The following TMEM117 variants were observed in gnomAD, a reference collection of about 807,000 sequenced individuals.
The protein encoded by TMEM117 is transmembrane protein 117.
In TMEM117, 27 loss-of-function variants were observed where a neutral mutation model predicts 52.4. That is an observed-to-expected ratio of 0.51 (90% CI 0.38 to 0.71). The LOEUF is 0.71. Ranked by LOEUF, TMEM117 falls within the 30% of genes least tolerant of loss-of-function variation. The pLI is 0.00. For missense variants in TMEM117, 556 were observed against 630.5 expected (o/e 0.88, Z 1.26); for synonymous variants, 215 against 206.3 (o/e 1.04, Z -0.36).
chr12:44,398,701 C>T, the TMEM117 span, among the ~76,000 whole-genome samples: 8 of 152,192 alleles, frequency 5.3e-5, no homozygotes, highest in African/African-American at 1.9e-4. Flanking sequence ...AGGAGTCACT[C>T]AGTGATTGAA....
At chr12:44,074,701 G>T (rs1235558719) in intron 3 of TMEM117, among the ~76,000 whole-genome samples, 1 of 152,028 alleles carries the variant, frequency 6.6e-6, no homozygotes, top group Admixed American at 6.6e-5. Context: ...GGCAGTTCTG[G>T]TCTAAAGCAA....
chr12:44,256,187 T>C (rs1324513585), intron 5 of TMEM117, among the ~76,000 whole-genome samples: 2 of 151,932 alleles, frequency 1.3e-5, no homozygotes, highest in Middle Eastern at 3.4e-3. Context: ...AATAAGGATA[T>C]ATATAAATTT....
At chr12:44,082,542 C>G (rs145902363) in intron 3 of TMEM117, among the ~76,000 whole-genome samples, 1 of 151,452 alleles carries the variant, frequency 6.6e-6, no homozygotes. Context: ...AATGATTGAT[C>G]GATAAAATAG....
chr12:43,938,883 C>T (rs1156836607), intron 2 of TMEM117, among the ~76,000 whole-genome samples: 2 of 151,858 alleles, frequency 1.3e-5, no homozygotes, highest in East Asian at 3.9e-4. Context: ...GCCTGTAATC[C>T]CAGCTACTCG....
intron 3 of TMEM117, among the ~76,000 whole-genome samples, chr12:44,134,258 G>A (rs923456832): frequency 6.6e-5 from 10 of 152,118 alleles, no homozygotes; most frequent in African/African-American, 2.4e-4. Context: ...CTGTTGCCCA[G>A]GCTTGAGTGC....
intron 4 of TMEM117, among the ~76,000 whole-genome samples, chr12:44,178,567 G>C (rs879782148): frequency 6.6e-6 from 1 of 152,070 alleles, no homozygotes; most frequent in African/African-American, 2.4e-5. Context: ...CATTAATCAG[G>C]CTCTTTGGAT....
chr12:43,959,107 A>C (rs1945360364), intron 3 of TMEM117, among the ~76,000 whole-genome samples: 2 of 152,276 alleles, frequency 1.3e-5, no homozygotes, highest in South Asian at 4.1e-4. Context: ...GCGCCCGGCC[A>C]AAATGCATGG....
At chr12:44,071,011 A>G (rs1489328449) in intron 3 of TMEM117, among the ~76,000 whole-genome samples, 1 of 152,230 alleles carries the variant, frequency 6.6e-6, no homozygotes, top group East Asian at 1.9e-4. Context: ...TCAGGGGTAG[A>G]GTATATTTCT....
intron 3 of TMEM117, among the ~76,000 whole-genome samples, chr12:43,956,490 A>T (rs1324269574): frequency 7.8e-6 from 1 of 128,432 alleles, no homozygotes; most frequent in Non-Finnish European, 1.7e-5. Flanking sequence ...GGATATAAAC[A>T]GACACTTCTC....
chr12:44,129,735 G>A (rs1359784641), intron 3 of TMEM117, among the ~76,000 whole-genome samples: 3 of 152,110 alleles, frequency 2.0e-5, no homozygotes, highest in Admixed American at 2.0e-4. Flanking sequence ...CCCTTAAGAG[G>A]TACCAAGAAG....
At chr12:44,206,868 T>C (rs1247101656) in intron 4 of TMEM117, among the ~76,000 whole-genome samples, 4 of 152,128 alleles carry the variant, frequency 2.6e-5, no homozygotes, top group Non-Finnish European at 5.9e-5. Context: ...TCGGATACTA[T>C]GCTCACTACC....
intron 1 of TMEM117, among the ~76,000 whole-genome samples, chr12:43,837,620 C>T (rs1396253322): frequency 6.6e-6 from 1 of 152,224 alleles, no homozygotes; most frequent in Non-Finnish European, 1.5e-5. Flanking sequence ...GCGGACATTA[C>T]AGGTGTGAGC....
At chr12:44,167,823 A>G (rs1264848826) in intron 4 of TMEM117, among the ~76,000 whole-genome samples, 1 of 152,176 alleles carries the variant, frequency 6.6e-6, no homozygotes, top group Non-Finnish European at 1.5e-5. Context: ...TGAGGTCTGC[A>G]TTACATAGTG....
At chr12:44,197,952 A>C (rs1949443189) in intron 4 of TMEM117, among the ~76,000 whole-genome samples, 1 of 152,224 alleles carries the variant, frequency 6.6e-6, no homozygotes, top group African/African-American at 2.4e-5. Flanking sequence ...TGTAGAATAC[A>C]TTCCAGGTTT....
At chr12:43,894,852 CT>C (rs11357894) in intron 2 of TMEM117, among the ~76,000 whole-genome samples, 143,338 of 151,942 alleles carry the variant, frequency 0.94, 67,761 homozygotes, top group East Asian at 1. Flanking sequence ...TTTCAATGCC[CT>C]TTTTTTTTAA....
rs545316024 is a variant in TMEM117, at chr12:44,048,951, T to A, written c.411-94574T>A. Among the ~76,000 whole-genome samples the A allele has an allele frequency of 1.1e-3, 169 of 152,330 alleles. 2 individuals are homozygous for A. In the Middle Eastern group the frequency reaches 0.014, roughly 12 times the overall value. Reference sequence around the variant, plus strand: ...ATTATATAACTATAATTCTCACTACTTTTTTATATTTATATAGCAGGTATT... The same window carrying A: ...ATTATATAACTATAATTCTCACTACATTTTTATATTTATATAGCAGGTATT... On this transcript the variant is annotated intron_variant, in intron 3 of 7. Coordinates refer to ENST00000266534, the MANE Select transcript of TMEM117 (RefSeq NM_032256.3).
At chr12:43,807,268 A>C in the TMEM117 span, among the ~76,000 whole-genome samples, 2 of 152,234 alleles carry the variant, frequency 1.3e-5, no homozygotes, top group African/African-American at 4.8e-5. Flanking sequence ...TATAAGTGCA[A>C]GTTAATCACT....
chr12:43,938,462 G>A (rs1252007614), intron 2 of TMEM117, among the ~76,000 whole-genome samples: 2 of 151,818 alleles, frequency 1.3e-5, no homozygotes, highest in Admixed American at 6.6e-5. Context: ...CAGCCCTCAG[G>A]TTGTTATGGT....
intron 5 of TMEM117, among the ~76,000 whole-genome samples, chr12:44,218,845 T>C (rs1416708437): frequency 6.6e-6 from 1 of 152,190 alleles, no homozygotes; most frequent in African/African-American, 2.4e-5. Context: ...TTTCCTTTAA[T>C]CCACACTGCC....
Sources: gnomAD v4.1 joint callset for allele counts (sites outside exome capture counted in the v4.1 genomes callset) on GRCh38, gnomAD v4.1.1 for gene constraint, MANE v1.5 for transcripts, NCBI Gene and HGNC (gene_info 2026-07-23, HGNC 2026-07-21) for gene names.